AFG2A: variants seen among roughly 807,000 people sequenced by gnomAD.
AFG2A encodes AAA ATPase AFG2A, also known as ATPase family gene 2 protein homolog A.
chr4:123,203,558 G>A, the AFG2A span, among the ~76,000 whole-genome samples: 18 of 152,292 alleles, frequency 1.2e-4, no homozygotes, highest in East Asian at 1.9e-3. Context: ...GATTATAGGC[G>A]TGAGCCACTG....
At chr4:123,061,509 C>G in the AFG2A span, among the ~76,000 whole-genome samples, 1 of 152,190 alleles carries the variant, frequency 6.6e-6, no homozygotes, top group Admixed American at 6.6e-5. Flanking sequence ...GGGCAACTCC[C>G]CTTTATAAAA....
the AFG2A span, chr4:122,933,545 C>T: frequency 6.7e-7 from 1 of 1,499,804 alleles, no homozygotes; most frequent in Non-Finnish European, 9.2e-7. Context: ...AGCTGCAAGG[C>T]ATCAGCAAAT....
chr4:123,189,133 A>G, the AFG2A span, among the ~76,000 whole-genome samples: 1 of 152,236 alleles, frequency 6.6e-6, no homozygotes, highest in African/African-American at 2.4e-5. Flanking sequence ...CAGGTTCATT[A>G]TAAGTATATG....
the AFG2A span, among the ~76,000 whole-genome samples, chr4:123,179,658 C>G: frequency 1.3e-5 from 2 of 152,186 alleles, no homozygotes; most frequent in Non-Finnish European, 2.9e-5. Context: ...GCCACTGCCC[C>G]CAACCAACTC....
At chr4:122,942,534 A>G in the AFG2A span, among the ~76,000 whole-genome samples, 8 of 150,782 alleles carry the variant, frequency 5.3e-5, no homozygotes, top group Admixed American at 2.6e-4. Context: ...TTTTTTCTTT[A>G]TTAGTCTTGC....
chr4:123,036,202 A>G, the AFG2A span, among the ~76,000 whole-genome samples: 5 of 152,152 alleles, frequency 3.3e-5, no homozygotes, highest in Non-Finnish European at 7.4e-5. Context: ...TTAGTGGGAG[A>G]GATATTTGAC....
At chr4:123,064,020 G>T in the AFG2A span, among the ~76,000 whole-genome samples, 1 of 152,194 alleles carries the variant, frequency 6.6e-6, no homozygotes, top group East Asian at 1.9e-4. Context: ...CGTATATTTC[G>T]TGCTTATGAA....
chr4:123,255,888 G>A, the AFG2A span: 1 of 1,081,928 alleles, frequency 9.2e-7, no homozygotes, highest in Non-Finnish European at 1.3e-6. Flanking sequence ...TCTGGTACTT[G>A]TTTTATTTAC....
At chr4:123,058,565 C>T in the AFG2A span, among the ~76,000 whole-genome samples, 6 of 152,050 alleles carry the variant, frequency 3.9e-5, no homozygotes, top group Non-Finnish European at 7.4e-5. Flanking sequence ...GTGGAGGTTG[C>T]GGTGAGCTGA....
the AFG2A span, among the ~76,000 whole-genome samples, chr4:123,087,203 T>C: frequency 6.6e-6 from 1 of 152,148 alleles, no homozygotes; most frequent in Non-Finnish European, 1.5e-5. Context: ...TGGTAAGGTG[T>C]TGGGGGGAGT....
chr4:123,019,824 A>G, the AFG2A span, among the ~76,000 whole-genome samples: 1 of 152,232 alleles, frequency 6.6e-6, no homozygotes, highest in Non-Finnish European at 1.5e-5. Flanking sequence ...AATCCTGCAC[A>G]TAGAAGACAT....
the AFG2A span, among the ~76,000 whole-genome samples, chr4:123,060,786 A>G: frequency 1.3e-5 from 2 of 152,210 alleles, no homozygotes; most frequent in Admixed American, 1.3e-4. Context: ...AAATTACTGC[A>G]GCTGGCTTGA....
the AFG2A span, among the ~76,000 whole-genome samples, chr4:122,925,145 C>G: frequency 0.053 from 8,119 of 152,186 alleles, 521 homozygotes; most frequent in African/African-American, 0.16. Flanking sequence ...GACTCTCCCC[C>G]CCATATCTCA....
the AFG2A span, among the ~76,000 whole-genome samples, chr4:122,991,352 G>T: frequency 6.6e-6 from 1 of 152,120 alleles, no homozygotes; most frequent in Non-Finnish European, 1.5e-5. Flanking sequence ...TCTATATTAA[G>T]AAATATTTAC....
chr4:123,006,037 C>T, the AFG2A span, among the ~76,000 whole-genome samples: 1 of 150,196 alleles, frequency 6.7e-6, no homozygotes, highest in Admixed American at 6.6e-5. Context: ...GTATCATGTT[C>T]CTTACTCTTG....
the AFG2A span, among the ~76,000 whole-genome samples, chr4:123,058,397 G>T: frequency 1.3e-5 from 2 of 152,168 alleles, no homozygotes; most frequent in Non-Finnish European, 2.9e-5. Context: ...GGCCGAGGTG[G>T]GCGAATCATT....
At chr4:123,256,208 AG>A in the AFG2A span, 1 of 1,609,044 alleles carries the variant, frequency 6.2e-7, no homozygotes, top group South Asian at 1.1e-5. Flanking sequence ...AAAATACCTT[AG>A]TGGGAGGAAA....
At chr4:123,215,582 A>G in the AFG2A span, among the ~76,000 whole-genome samples, 1 of 152,092 alleles carries the variant, frequency 6.6e-6, no homozygotes, top group Non-Finnish European at 1.5e-5. Context: ...ATTTATTTCA[A>G]TAGCCCATCC....
At chr4:123,062,400 A>C in the AFG2A span, among the ~76,000 whole-genome samples, 1 of 152,232 alleles carries the variant, frequency 6.6e-6, no homozygotes, top group Non-Finnish European at 1.5e-5. Context: ...GTTTTTAAAC[A>C]TCATATTACC....
Sources: allele counts gnomAD v4.1 joint callset (sites outside exome capture counted in the v4.1 genomes callset), GRCh38; gene constraint gnomAD v4.1.1; transcripts MANE v1.5; gene names NCBI Gene and HGNC (gene_info 2026-07-23, HGNC 2026-07-21).